CLDN14: variants seen among roughly 807,000 people sequenced by gnomAD.
CLDN14 encodes claudin 14.
A neutral mutation model predicts 2.1 loss-of-function variants in CLDN14; 2 were observed. The ratio of observed to expected loss-of-function variants is 0.96; its 90% CI spans 0.39 to 3.01. The LOEUF (loss-of-function observed/expected upper bound fraction) is 3.01. Ranked by LOEUF, CLDN14 falls within the 30% of genes most tolerant of loss-of-function variation. The pLI is 0.09. For synonymous variants in CLDN14, 136 were observed against 154.4 expected (o/e 0.88, Z 0.88); for missense variants, 298 against 328.0 (o/e 0.91, Z 0.71).
chr21:36,496,747 A>G (rs141836490), intron 2 of CLDN14, among the ~76,000 whole-genome samples: 413 of 856 alleles, frequency 0.48, 76 homozygotes, highest in Non-Finnish European at 0.55. Context: ...GGGAGGAAGG[A>G]AGGGAGGGAG....
intron 1 of CLDN14, among the ~76,000 whole-genome samples, chr21:36,478,667 C>T (rs1379537319): frequency 6.6e-6 from 1 of 152,200 alleles, no homozygotes; most frequent in Non-Finnish European, 1.5e-5. Flanking sequence ...CTCTGGTTTC[C>T]CAAGACTTCA....
chr21:36,560,404 T>C (rs567186658), intron 1 of CLDN14, among the ~76,000 whole-genome samples: 1 of 152,344 alleles, frequency 6.6e-6, no homozygotes, highest in African/African-American at 2.4e-5. Context: ...GTGAATTATG[T>C]GTTTCTAAAG....
At chr21:36,515,114 G>A (rs570719303) in intron 1 of CLDN14, among the ~76,000 whole-genome samples, 1 of 152,326 alleles carries the variant, frequency 6.6e-6, no homozygotes, top group East Asian at 1.9e-4. Flanking sequence ...TATTGGGGAT[G>A]TAAGATGGTG....
chr21:36,568,275 T>C (rs2087686563), intron 1 of CLDN14, among the ~76,000 whole-genome samples: 2 of 152,218 alleles, frequency 1.3e-5, no homozygotes, highest in Admixed American at 1.3e-4. Context: ...TGGGATGCCC[T>C]GCTCAGAACT....
At chr21:36,535,728 T>C (rs1235059675) in intron 1 of CLDN14, among the ~76,000 whole-genome samples, 3 of 152,290 alleles carry the variant, frequency 2.0e-5, no homozygotes, top group South Asian at 2.1e-4. Context: ...GGTGAGATCA[T>C]GGGGAATTTT....
At chr21:36,511,821 T>C (rs573990238) in intron 1 of CLDN14, among the ~76,000 whole-genome samples, 2 of 152,298 alleles carry the variant, frequency 1.3e-5, no homozygotes, top group South Asian at 4.1e-4. Context: ...TTACCCCAGT[T>C]CTAAGTTTGG....
Position 36,506,355 on chromosome 21 carries a change from G to T in CLDN14, c.-82+4008C>A, listed in dbSNP as rs191663055. ...CTCATGCCTGTAATCCCAGCATTTT[G>T]GGAGGCCAAGGCAGGTGGATCACCT... On this transcript the variant is annotated intron_variant, in intron 2 of 2. Coordinates refer to the CLDN14 transcript ENST00000342108. Among the ~76,000 whole-genome samples the T allele has an allele frequency of 9.1e-3, 1,391 of 152,282 alleles. 15 individuals are homozygous for T. Among genetic ancestry groups the T allele is most frequent in the African/African-American group, 0.03 (1,258 of 41,554 alleles).
At chr21:36,486,437 A>C in intron 2 of CLDN14, 1 of 1,439,462 alleles carries the variant, frequency 6.9e-7, no homozygotes, top group Non-Finnish European at 9.8e-7. Flanking sequence ...CCTCCATAGA[A>C]ACCCGAGGGC....
intron 1 of CLDN14, among the ~76,000 whole-genome samples, chr21:36,539,184 G>A (rs569764080): frequency 1.3e-5 from 2 of 152,222 alleles, no homozygotes; most frequent in African/African-American, 2.4e-5. Flanking sequence ...TCTGTGCCAG[G>A]CTCTGTGTCA....
At chr21:36,559,353 C>A (rs547274024) in intron 1 of CLDN14, among the ~76,000 whole-genome samples, 4 of 152,130 alleles carry the variant, frequency 2.6e-5, no homozygotes, top group South Asian at 4.2e-4. Context: ...CCCGCCACCA[C>A]GCCCAGCTAA....
At chr21:36,574,131 G>T (rs2087726745) in intron 1 of CLDN14, among the ~76,000 whole-genome samples, 1 of 152,166 alleles carries the variant, frequency 6.6e-6, no homozygotes, top group Admixed American at 6.5e-5. Flanking sequence ...AGATTTGGAA[G>T]ACTTAAATAA....
At chr21:36,563,559 G>A (rs931825474) in intron 1 of CLDN14, among the ~76,000 whole-genome samples, 1 of 152,194 alleles carries the variant, frequency 6.6e-6, no homozygotes, top group Non-Finnish European at 1.5e-5. Flanking sequence ...ATGAGCCATA[G>A]GGCCGTCACT....
chr21:36,489,369 T>C (rs1200812000), intron 2 of CLDN14, among the ~76,000 whole-genome samples: 1 of 152,130 alleles, frequency 6.6e-6, no homozygotes, highest in Non-Finnish European at 1.5e-5. Flanking sequence ...CCTCCCTCCC[T>C]TCTCAGTTCC....
chr21:36,537,460 C>T (rs901780093), intron 1 of CLDN14, among the ~76,000 whole-genome samples: 7 of 151,880 alleles, frequency 4.6e-5, no homozygotes, highest in African/African-American at 9.7e-5. Flanking sequence ...ATTGGGAAAA[C>T]GTGAATATGA....
At chr21:36,542,569 C>T (rs1318398771) in intron 1 of CLDN14, 1 of 152,376 alleles carries the variant, frequency 6.6e-6, no homozygotes, top group Non-Finnish European at 1.5e-5. Context: ...ACTCACCCCT[C>T]CTGGGCGGCT....
intron 1 of CLDN14, among the ~76,000 whole-genome samples, chr21:36,468,135 A>G (rs2086668602): frequency 6.6e-6 from 1 of 152,234 alleles, no homozygotes; most frequent in Admixed American, 6.5e-5. Flanking sequence ...CTTATTAGAG[A>G]AAAATGAAGT....
At chr21:36,574,827 T>C (rs1036068547) in intron 1 of CLDN14, among the ~76,000 whole-genome samples, 5 of 152,184 alleles carry the variant, frequency 3.3e-5, no homozygotes, top group Admixed American at 6.5e-5. Context: ...AAAGCTTTGA[T>C]TGAATTATTT....
intron 1 of CLDN14, among the ~76,000 whole-genome samples, chr21:36,527,692 A>T (rs2087344657): frequency 6.6e-6 from 1 of 152,180 alleles, no homozygotes; most frequent in Non-Finnish European, 1.5e-5. Context: ...GTCCAGGGAG[A>T]AAATAGGAGA....
intron 1 of CLDN14, among the ~76,000 whole-genome samples, chr21:36,526,915 C>T (rs1436758445): frequency 1.3e-5 from 2 of 152,198 alleles, no homozygotes; most frequent in Non-Finnish European, 2.9e-5. Context: ...CCTCCCGAGA[C>T]GGGGATGTTG....
Sources: gnomAD v4.1 joint callset for allele counts (sites outside exome capture counted in the v4.1 genomes callset) on GRCh38, gnomAD v4.1.1 for gene constraint, MANE v1.5 for transcripts, NCBI Gene and HGNC (gene_info 2026-07-23, HGNC 2026-07-21) for gene names.